The following ARHGAP42 variants were observed in gnomAD, a reference collection of about 807,000 sequenced individuals.
ARHGAP42 encodes the protein rho GTPase-activating protein 42.
Under a neutral mutation model 125.0 loss-of-function variants are expected in ARHGAP42, and 63 were observed. That is an observed-to-expected ratio of 0.50 (90% confidence interval 0.41 to 0.62). The LOEUF (loss-of-function observed/expected upper bound fraction) is 0.62, where lower values mean the gene tolerates loss of function less well. ARHGAP42 is among the 20% of genes least tolerant of loss of function. ARHGAP42 has a pLI of 0.00. For synonymous variants in ARHGAP42, 339 were observed against 351.0 expected (o/e 0.97, Z 0.38); for missense variants, 766 against 1,024.2 (o/e 0.75, Z 3.44).
chr11:100,893,158 G>GGTGGGTGTGT (rs1866262633), intron 4 of ARHGAP42, among the ~76,000 whole-genome samples: 2 of 146,988 alleles, frequency 1.4e-5, no homozygotes, highest in East Asian at 2.1e-4. Context: ...AACATTTAGG[G>GGTGGGTGTGT]GTGTGTGTGT....
intron 1 of ARHGAP42, among the ~76,000 whole-genome samples, chr11:100,701,153 T>G (rs1440428218): frequency 6.6e-6 from 1 of 152,120 alleles, no homozygotes; most frequent in African/African-American, 2.4e-5. Context: ...CTTTTTTTTT[T>G]TTTTTTTCTG....
At chr11:100,874,098 C>T (rs1246088081) in intron 4 of ARHGAP42, among the ~76,000 whole-genome samples, 1 of 152,208 alleles carries the variant, frequency 6.6e-6, no homozygotes, top group African/African-American at 2.4e-5. Context: ...TGTTCAGGTG[C>T]ATGGCACTGG....
rs1865001036 is a variant in ARHGAP42 at position 100,843,901 on chromosome 11, T to C, written c.313-15653T>C. On this transcript the variant is annotated intron_variant, in intron 3 of 23. Coordinates refer to ENST00000298815, the MANE Select transcript of ARHGAP42 (RefSeq NM_152432.4). ...AAGCAATCTACAAATTCAGTGCAAT[T>C]CCCATCAAAATATCACCATCATTCT... 1.1e-4 allele frequency among the ~76,000 whole-genome samples: 16 copies of C among 152,012 alleles called. No individual in the cohort carries two copies. The South Asian group carries it at 3.3e-3, about 32-fold the overall frequency.
intron 2 of ARHGAP42, among the ~76,000 whole-genome samples, chr11:100,780,223 T>TA (rs1011256209): frequency 1.3e-5 from 2 of 152,230 alleles, no homozygotes; most frequent in Admixed American, 1.3e-4. Context: ...GATAAGGTGG[T>TA]AAACCCCTTT....
At chr11:100,728,738 A>G (rs1861905715) in intron 1 of ARHGAP42, among the ~76,000 whole-genome samples, 2 of 129,098 alleles carry the variant, frequency 1.5e-5, no homozygotes, top group Non-Finnish European at 3.3e-5. Context: ...ATATATATAT[A>G]TATATATATA....
At chr11:100,926,783 T>C (rs1282506139) in intron 6 of ARHGAP42, among the ~76,000 whole-genome samples, 1 of 152,224 alleles carries the variant, frequency 6.6e-6, no homozygotes, top group Non-Finnish European at 1.5e-5. Flanking sequence ...ACCTCACCTG[T>C]ACTATGATTG....
chr11:100,762,451 A>G (rs1326967587), intron 1 of ARHGAP42, among the ~76,000 whole-genome samples: 2 of 152,130 alleles, frequency 1.3e-5, no homozygotes, highest in Non-Finnish European at 2.9e-5. Flanking sequence ...CAAGGCCTTC[A>G]AGGAAAGAGA....
At chr11:100,760,485 G>C (rs925465930) in intron 1 of ARHGAP42, among the ~76,000 whole-genome samples, 1 of 152,106 alleles carries the variant, frequency 6.6e-6, no homozygotes, top group Non-Finnish European at 1.5e-5. Context: ...GATCACTTGA[G>C]GTCAGGAGTT....
intron 1 of ARHGAP42, among the ~76,000 whole-genome samples, chr11:100,710,500 G>T (rs1378263754): frequency 1.4e-5 from 2 of 147,934 alleles, no homozygotes; most frequent in Non-Finnish European, 3.0e-5. Flanking sequence ...CTCCCAAAGT[G>T]CTGGATTACA....
chr11:100,923,673 C>G (rs1867341803), intron 6 of ARHGAP42, among the ~76,000 whole-genome samples: 1 of 152,060 alleles, frequency 6.6e-6, no homozygotes. Flanking sequence ...TTCCTTTTAC[C>G]TTATCCGAAG....
chr11:100,801,463 T>C (rs1249922840), intron 3 of ARHGAP42, among the ~76,000 whole-genome samples: 2 of 152,174 alleles, frequency 1.3e-5, no homozygotes, highest in East Asian at 3.9e-4. Flanking sequence ...ATGAGGAAGA[T>C]TTACCATATT....
At chr11:100,751,277 G>GTTTTTTTTTTTT (rs756243174) in intron 1 of ARHGAP42, among the ~76,000 whole-genome samples, 2 of 121,624 alleles carry the variant, frequency 1.6e-5, no homozygotes, top group African/African-American at 6.7e-5. Flanking sequence ...GTGTGTGTGT[G>GTTTTTTTTTTTT]TGTTTTTTTT....
chr11:100,882,993 G>A (rs990278966), intron 4 of ARHGAP42, among the ~76,000 whole-genome samples: 3 of 151,956 alleles, frequency 2.0e-5, no homozygotes, highest in Middle Eastern at 3.2e-3. Context: ...ATTTTCTCTC[G>A]TCTTAATCTT....
intron 3 of ARHGAP42, among the ~76,000 whole-genome samples, chr11:100,796,584 A>G (rs556827329): frequency 3.3e-5 from 5 of 152,254 alleles, no homozygotes; most frequent in African/African-American, 1.2e-4. Flanking sequence ...CAAAGTGGTG[A>G]GTGCAAAGGA....
At chr11:100,837,286 C>T (rs961874183) in intron 3 of ARHGAP42, among the ~76,000 whole-genome samples, 7 of 152,004 alleles carry the variant, frequency 4.6e-5, no homozygotes, top group Non-Finnish European at 1.0e-4. Flanking sequence ...CACAGGTAGA[C>T]TACTGTTACC....
intron 3 of ARHGAP42, among the ~76,000 whole-genome samples, chr11:100,839,253 G>C (rs191270204): frequency 1.7e-3 from 255 of 152,254 alleles, no homozygotes; most frequent in African/African-American, 5.8e-3. Flanking sequence ...TCTGTCTCAT[G>C]AAGATTTTAT....
intron 2 of ARHGAP42, among the ~76,000 whole-genome samples, chr11:100,775,266 G>A (rs1323467136): frequency 6.6e-6 from 1 of 152,134 alleles, no homozygotes; most frequent in Non-Finnish European, 1.5e-5. Context: ...TGAGTTAGGA[G>A]TACAGTGCTA....
At chr11:100,973,985 T>C (rs1244587338) in intron 18 of ARHGAP42, among the ~76,000 whole-genome samples, 1 of 152,184 alleles carries the variant, frequency 6.6e-6, no homozygotes, top group Non-Finnish European at 1.5e-5. Context: ...TCTCTCACAA[T>C]GCAAGAGCAC....
At chr11:100,901,978 A>G (rs559164590) in intron 4 of ARHGAP42, among the ~76,000 whole-genome samples, 40 of 152,294 alleles carry the variant, frequency 2.6e-4, no homozygotes, top group African/African-American at 9.6e-4. Context: ...GAAATCACCC[A>G]TCTTCTGCGT....
Sources: allele counts gnomAD v4.1 joint callset (sites outside exome capture counted in the v4.1 genomes callset), GRCh38; gene constraint gnomAD v4.1.1; transcripts MANE v1.5; gene names NCBI Gene and HGNC (gene_info 2026-07-23, HGNC 2026-07-21).